PRH1: variants seen among roughly 807,000 people sequenced by gnomAD.
PRH1 encodes proline rich protein HaeIII subfamily 1.
A neutral mutation model predicts 7.9 loss-of-function variants in PRH1; 7 were observed. That is an observed-to-expected ratio of 0.89 (90% CI 0.50 to 1.67). PRH1 has a LOEUF of 1.67. Among genes scored for constraint, PRH1 ranks in the 40% most tolerant of loss-of-function variants. The pLI, the probability that PRH1 is intolerant of heterozygous loss-of-function variation, is 0.00. For synonymous variants in PRH1, 45 were observed against 80.8 expected, an observed-to-expected ratio of 0.56 and a Z score of 2.38; for missense variants, 109 against 223.6, an observed-to-expected ratio of 0.49 and a Z score of 3.27.
At chr12:11,048,149 T>G (rs1175616847), upstream of PRH1, among the ~76,000 whole-genome samples, 1 of 83,622 alleles carries the variant, frequency 1.2e-5, no homozygotes, top group Non-Finnish European at 3.0e-5. Flanking sequence ...CACATATATG[T>G]GTGTGTGTGT....
At chr12:11,146,538 A>G (rs1946866662) in intron 1 of PRH1, among the ~76,000 whole-genome samples, 1 of 152,144 alleles carries the variant, frequency 6.6e-6, no homozygotes, top group Non-Finnish European at 1.5e-5. Context: ...ATTAGACTAG[A>G]GTCAGACAGC....
intron 1 of PRH1, among the ~76,000 whole-genome samples, chr12:11,129,535 C>A (rs544350360): frequency 7.9e-4 from 120 of 152,404 alleles, no homozygotes; most frequent in Non-Finnish European, 1.4e-3. Flanking sequence ...TTTTCTATAA[C>A]CCGATTCACT....
chr12:11,156,055 A>G (rs1401985605), intron 1 of PRH1, among the ~76,000 whole-genome samples: 1 of 152,166 alleles, frequency 6.6e-6, no homozygotes, highest in Non-Finnish European at 1.5e-5. Flanking sequence ...CACATTTGCC[A>G]TTGCCTTTAT....
rs545091760 is a variant in PRH1 at position 11,106,230 on chromosome 12, G to A, written n.124-59042C>T. Among the ~76,000 whole-genome samples the A allele has an allele frequency of 2.1e-3, 98 of 46,746 alleles. 32 individuals are homozygous for A. Among genetic ancestry groups the A allele is most frequent in the Non-Finnish European group, 4.8e-3 (74 of 15,442 alleles). The allele number at this position is 46,746 out of a possible 152,430, so 30.7% of individuals were successfully genotyped here. A position where few individuals can be genotyped will look rare whatever the true frequency, so the allele number is the denominator to read the frequency against. On this transcript the variant is annotated intron_variant and non_coding_transcript_variant, in intron 1 of 4. Transcript: ENST00000541977. ...GCTGGGATTACAGGCGTGAGCCACCGCGCCCGGCCATAACTTATTCTTAAG... is the reference window on the plus strand; with the variant it reads ...GCTGGGATTACAGGCGTGAGCCACCACGCCCGGCCATAACTTATTCTTAAG...
chr12:10,991,494 C>T (rs1278940293), intron 1 of PRH1, among the ~76,000 whole-genome samples: 2 of 151,908 alleles, frequency 1.3e-5, no homozygotes, highest in South Asian at 2.1e-4. Flanking sequence ...ATTGATGCTC[C>T]GACCTTCTCC....
intron 1 of PRH1, among the ~76,000 whole-genome samples, chr12:11,004,601 TCTATGA>T (rs1017060871): frequency 5.9e-5 from 9 of 152,134 alleles, no homozygotes; most frequent in African/African-American, 2.2e-4. Context: ...CACTCTTAAT[TCTATGA>T]CTATAATTTC....
intron 1 of PRH1, among the ~76,000 whole-genome samples, chr12:11,162,335 T>C (rs578086816): frequency 6.6e-6 from 1 of 152,320 alleles, no homozygotes; most frequent in African/African-American, 2.4e-5. Context: ...TCTTTCTAAA[T>C]GGGAGGAGTT....
intron 1 of PRH1, chr12:11,061,577 T>C (rs1591923939): frequency 5.0e-6 from 8 of 1,614,078 alleles, no homozygotes; most frequent in African/African-American, 1.3e-5. Flanking sequence ...AGAAAGTAAA[T>C]GGCACATAAC....
chr12:11,144,930 T>C (rs1946819730), intron 1 of PRH1, among the ~76,000 whole-genome samples: 1 of 152,208 alleles, frequency 6.6e-6, no homozygotes, highest in South Asian at 2.1e-4. Flanking sequence ...GTTGGGGAAG[T>C]CACTGTATTT....
chr12:10,966,612 C>T lies in PRH1; in HGVS notation c.-59+7043G>A, dbSNP rs181051424. On this transcript the variant is annotated intron_variant, in intron 2 of 3. Coordinates refer to the PRH1 transcript ENST00000539853. Reference sequence around the variant, plus strand: ...TATCACCAGAGCCATCCAGCAAACCCAGCTTAGAAAAACTGAATCCAAAGA... The same window carrying T: ...TATCACCAGAGCCATCCAGCAAACCTAGCTTAGAAAAACTGAATCCAAAGA... Among the ~76,000 whole-genome samples, 44 of 152,222 alleles carry T rather than the reference C, an allele frequency of 2.9e-4. No individual in the cohort carries two copies. In the South Asian group the frequency reaches 3.1e-3, roughly 11 times the overall value.
intron 1 of PRH1, among the ~76,000 whole-genome samples, chr12:10,984,723 C>T (rs1939519562): frequency 6.6e-6 from 1 of 151,908 alleles, no homozygotes; most frequent in Non-Finnish European, 1.5e-5. Context: ...AGAATTAATA[C>T]AGTTTATAGA....
chr12:10,938,622 C>T (rs763510400), intron 2 of PRH1: 25 of 1,613,604 alleles, frequency 1.5e-5, no homozygotes, highest in Non-Finnish European at 2.0e-5. Flanking sequence ...AGAAACATTG[C>T]CAGGGACAAA....
Position 10,973,767 on chromosome 12 carries a change from C to T in PRH1, c.-125-46G>A, listed in dbSNP as rs114664718. ...GGCCAAAATTATATTTTCAATTCAT[C>T]GGAGAGCTGTGCAAACAAGGAGGGC... On this transcript the variant is annotated intron_variant, in intron 1 of 3. Transcript: ENST00000539853. 5.9e-4 allele frequency: 457 copies of T among 768,082 alleles called. 1 individual carries two copies. The highest frequency in any genetic ancestry group is 5.0e-3 in the African/African-American group (295 of 58,974). 47.6% of individuals were successfully genotyped at this position (768,082 alleles called of 1,614,324 possible). A position where few individuals can be genotyped will look rare whatever the true frequency, so the allele number is the denominator to read the frequency against.
At chr12:11,036,616 T>C (rs1388634677) in intron 1 of PRH1, among the ~76,000 whole-genome samples, 2 of 152,262 alleles carry the variant, frequency 1.3e-5, no homozygotes, top group Admixed American at 6.5e-5. Context: ...GGAGGATTCA[T>C]TGAAGGTCAT....
At chr12:11,054,991 C>G (rs1450069518) in intron 1 of PRH1, among the ~76,000 whole-genome samples, 1 of 39,202 alleles carries the variant, frequency 2.6e-5, no homozygotes, top group East Asian at 7.9e-4. Flanking sequence ...AGGTTCATGC[C>G]ATTCTCTTGC....
At chr12:10,888,218 T>C (rs577332953), upstream of PRH1, among the ~76,000 whole-genome samples, 2 of 152,344 alleles carry the variant, frequency 1.3e-5, no homozygotes, top group East Asian at 3.9e-4. Flanking sequence ...TGAGTCCACC[T>C]AGATAATCCA....
chr12:10,983,536 T>C (rs1462991207), intron 1 of PRH1, among the ~76,000 whole-genome samples: 6 of 152,222 alleles, frequency 3.9e-5, no homozygotes, highest in African/African-American at 1.4e-4. Context: ...TTGGCTTTCA[T>C]AACTACCACC....
chr12:11,030,453 G>T (rs199894662), intron 1 of PRH1: 5 of 1,568,232 alleles, frequency 3.2e-6, no homozygotes, highest in Admixed American at 1.7e-5. Context: ...CTCACTTGCC[G>T]CAAAACTGAA....
chr12:11,101,473 G>T (rs574443070), intron 1 of PRH1, among the ~76,000 whole-genome samples: 33 of 151,914 alleles, frequency 2.2e-4, no homozygotes, highest in Admixed American at 2.6e-4. Context: ...CTGGACAACA[G>T]AGTCAGATCC....
Sources: gnomAD v4.1 joint callset for allele counts (sites outside exome capture counted in the v4.1 genomes callset) on GRCh38, gnomAD v4.1.1 for gene constraint, MANE v1.5 for transcripts, NCBI Gene and HGNC (gene_info 2026-07-23, HGNC 2026-07-21) for gene names.